VDR: variants seen among roughly 807,000 people sequenced by gnomAD.
VDR encodes vitamin D3 receptor.
A neutral mutation model predicts 39.7 loss-of-function variants in VDR; 19 were observed. That is an observed-to-expected ratio of 0.48 (90% CI 0.33 to 0.70). The LOEUF (loss-of-function observed/expected upper bound fraction) is 0.70. Ranked by LOEUF, VDR falls within the 30% of genes least tolerant of loss-of-function variation. The probability of loss-of-function intolerance (pLI) is 0.02; values close to 1 mark genes in which losing one functional copy is unlikely to be tolerated. For missense variants in VDR, 442 were observed against 570.5 expected (o/e 0.77, Z 2.29); for synonymous variants, 242 against 215.8 (o/e 1.12, Z -1.07).
chr12:47,884,055 G>A (rs918176122), intron 1 of VDR, among the ~76,000 whole-genome samples: 11 of 152,246 alleles, frequency 7.2e-5, no homozygotes, highest in African/African-American at 2.4e-4. Context: ...TACTGCCCAA[G>A]TCCTTCCCAG....
chr12:47,870,345 G>A (rs539343318), intron 3 of VDR, among the ~76,000 whole-genome samples: 15 of 152,296 alleles, frequency 9.8e-5, no homozygotes, highest in African/African-American at 3.6e-4. Context: ...AATACTAATT[G>A]CCTGTGAGCT....
At position 47,855,728 on chromosome 12, in the gene VDR, T is replaced by C. The variant is rs934179360; in HGVS notation, c.657A>G (p.Leu219=). 1 of 1,614,152 alleles carries C rather than the reference T, an allele frequency of 6.2e-7. No homozygotes were observed. The highest frequency in any genetic ancestry group is 1.1e-5 in the South Asian group (1 of 91,086). ...EEDSDDPSVT[L]ELSQLSMLPH... The stretch of plus-strand genomic sequence containing the variant: ...GCAGCATGGAGAGCTGGGACAGCTC[T>C]AGGGTCACAGAAGGGTCATCTGAAT... The change falls in exon 7 of 10, where the codon CTA becomes CTG. Residue 219 remains leucine (L), a synonymous_variant. Transcript: ENST00000549336.
At chr12:47,866,002 A>ACTGTGCCTGGCCGAAGAAACCTT in intron 3 of VDR, among the ~76,000 whole-genome samples, 1 of 152,004 alleles carries the variant, frequency 6.6e-6, no homozygotes, top group East Asian at 1.9e-4. Flanking sequence ...GGCGTGAGCC[A>ACTGTGCCTGGCCGAAGAAACCTT]TCGCGCACAG....
intron 3 of VDR, among the ~76,000 whole-genome samples, chr12:47,871,292 C>CTTTCTTTCTTTCTT (rs754929705): frequency 0.023 from 1,875 of 79,874 alleles, 100 homozygotes; most frequent in Middle Eastern, 0.044. Context: ...CTTTCTCTTT[C>CTTTCTTTCTTTCTT]TCTTTCTTTC....
intron 2 of VDR, among the ~76,000 whole-genome samples, chr12:47,879,844 T>C (rs1048957337): frequency 2.0e-5 from 3 of 152,158 alleles, no homozygotes; most frequent in Non-Finnish European, 4.4e-5. Context: ...CAATTAATTG[T>C]GTTTTCAGAG....
At chr12:47,881,838 C>T (rs999500156) in intron 2 of VDR, among the ~76,000 whole-genome samples, 2 of 152,106 alleles carry the variant, frequency 1.3e-5, no homozygotes, top group Non-Finnish European at 2.9e-5. Flanking sequence ...CCCGGAGGCC[C>T]AATATCATTG....
rs766164708 is a variant in VDR, at chr12:47,844,791, CT to C, written c.1238del (p.Lys413SerfsTer2). The C allele has an allele frequency of 1.2e-6, 2 of 1,614,168 alleles. No homozygotes were observed. Among genetic ancestry groups the C allele is most frequent in the African/African-American group, 2.7e-5 (2 of 75,052 alleles). The stretch of plus-strand genomic sequence containing the variant: ...ACACTTCGAGCACAAGGGGCGTTAG[CT>C]TCATGCTGCACTCAGGCTGGAAGGA... ...CLSFQPECSM[K>X]LTPLVLEVFG... On this transcript the variant is annotated frameshift_variant, in exon 10 of 10. Coordinates refer to ENST00000549336, the MANE Select transcript of VDR (RefSeq NM_000376.3). LOFTEE classifies it high-confidence loss of function.
At chr12:47,867,961 G>T (rs1945771706) in intron 3 of VDR, among the ~76,000 whole-genome samples, 1 of 151,498 alleles carries the variant, frequency 6.6e-6, no homozygotes, top group Admixed American at 6.6e-5. Flanking sequence ...CCAGAGTAGG[G>T]CTCTACTGGC....
At chr12:47,886,782 T>C (rs1467208081) in intron 1 of VDR, among the ~76,000 whole-genome samples, 1 of 152,214 alleles carries the variant, frequency 6.6e-6, no homozygotes, top group Non-Finnish European at 1.5e-5. Flanking sequence ...TTCTAGCCCA[T>C]GCTTGAATAA....
intron 4 of VDR, among the ~76,000 whole-genome samples, chr12:47,858,716 A>G (rs932129670): frequency 1.3e-4 from 20 of 152,256 alleles, no homozygotes; most frequent in Non-Finnish European, 2.2e-4. Context: ...GCCTGTAGCT[A>G]CTTGCTTGGT....
At position 47,873,604 on chromosome 12, in the gene VDR, G is replaced by A. The variant is rs549399704; in HGVS notation, c.146+5364C>T. Among the ~76,000 whole-genome samples the A allele has an allele frequency of 3.5e-4, 53 of 151,510 alleles. No homozygotes were observed. The South Asian group carries it at 6.7e-3, about 19-fold the overall frequency. On this transcript the variant is annotated intron_variant, in intron 3 of 9. Coordinates refer to ENST00000549336, the MANE Select transcript of VDR (RefSeq NM_000376.3). ...TCTCGATCTCCTGACCTCGTGATCC[G>A]CCCGCCTCGGCCTCCCAAAGTGCTG...
At chr12:47,873,186 C>G (rs1173885031) in intron 3 of VDR, among the ~76,000 whole-genome samples, 1 of 152,014 alleles carries the variant, frequency 6.6e-6, no homozygotes, top group Non-Finnish European at 1.5e-5. Flanking sequence ...TGAGTTCTCA[C>G]AAGATCTGAT....
intron 7 of VDR, among the ~76,000 whole-genome samples, chr12:47,847,358 CA>C (rs11574101): frequency 0.084 from 12,728 of 152,062 alleles, 928 homozygotes; most frequent in African/African-American, 0.19. Context: ...TGTGTCTCTC[CA>C]GTCTCTCATT....
rs190621614 is a variant in VDR at position 47,887,100 on chromosome 12, T to C, written c.-83-4326A>G. Among the ~76,000 whole-genome samples, 9 of 151,900 alleles carry C rather than the reference T, an allele frequency of 5.9e-5. No individual in the cohort carries two copies. In the East Asian group the frequency reaches 1.7e-3, roughly 29 times the overall value. ...GCCAAAGTGGGTGGATCACTTGAGG[T>C]CAGGAGTTCGAGACTAGCCTGGCTA... On this transcript the variant is annotated intron_variant, in intron 1 of 9. Coordinates refer to ENST00000549336, the MANE Select transcript of VDR (RefSeq NM_000376.3).
chr12:47,865,901 G>GA (rs1279329815), intron 3 of VDR, among the ~76,000 whole-genome samples: 1 of 150,768 alleles, frequency 6.6e-6, no homozygotes, highest in African/African-American at 2.4e-5. Flanking sequence ...ATTTTTAGTA[G>GA]AAATGGGGTT....
intron 2 of VDR, 67 bp from the exon 3 acceptor site, chr12:47,879,182 G>C: frequency 1.3e-6 from 2 of 1,569,354 alleles, no homozygotes; most frequent in Admixed American, 1.7e-5. Context: ...GGCATCCTTG[G>C]TGCCACCCAC....
chr12:47,881,782 C>A (rs754460698), intron 2 of VDR, among the ~76,000 whole-genome samples: 42 of 151,400 alleles, frequency 2.8e-4, no homozygotes, highest in Non-Finnish European at 4.9e-4. Context: ...CAAGCTGATG[C>A]CTGCAGGTTT....
At chr12:47,902,773 G>A (rs909894751) in intron 1 of VDR, among the ~76,000 whole-genome samples, 1 of 152,172 alleles carries the variant, frequency 6.6e-6, no homozygotes, top group Admixed American at 6.5e-5. Flanking sequence ...TTAGGATGTG[G>A]GGTAAGGAAT....
chr12:47,858,479 C>G (rs1022057384), intron 4 of VDR, among the ~76,000 whole-genome samples: 11 of 152,246 alleles, frequency 7.2e-5, no homozygotes, highest in African/African-American at 2.7e-4. Flanking sequence ...AGGGTGAGGC[C>G]TTGCAGCTCT....
Sources: allele counts gnomAD v4.1 joint callset (sites outside exome capture counted in the v4.1 genomes callset), GRCh38; gene constraint gnomAD v4.1.1; transcripts MANE v1.5; gene names NCBI Gene and HGNC (gene_info 2026-07-23, HGNC 2026-07-21).